DACH1: variants seen among roughly 807,000 people sequenced by gnomAD.
The protein encoded by DACH1 is dachshund homolog 1.
A neutral mutation model predicts 54.2 loss-of-function variants in DACH1; 12 were observed. That is an observed-to-expected ratio of 0.22 (90% confidence interval 0.14 to 0.36). The LOEUF (loss-of-function observed/expected upper bound fraction) is 0.36. Ranked by LOEUF, DACH1 falls within the 10% of genes least tolerant of loss-of-function variation. DACH1 has a pLI of 1.00. For missense variants in DACH1, 805 were observed against 929.8 expected (o/e 0.87, Z 1.75); for synonymous variants, 386 against 366.2 (o/e 1.05, Z -0.62).
At chr13:71,763,140 T>G (rs1885473892) in intron 1 of DACH1, among the ~76,000 whole-genome samples, 1 of 152,248 alleles carries the variant, frequency 6.6e-6, no homozygotes, top group Non-Finnish European at 1.5e-5. Context: ...TGAAGCATTT[T>G]AACATATATT....
At chr13:71,849,094 C>T (rs909011987) in intron 1 of DACH1, among the ~76,000 whole-genome samples, 3 of 151,804 alleles carry the variant, frequency 2.0e-5, no homozygotes, top group African/African-American at 7.3e-5. Context: ...ATATTAATGA[C>T]AATTTCTTTT....
chr13:71,586,490 CA>C (rs1480890312), intron 3 of DACH1, among the ~76,000 whole-genome samples: 10 of 152,212 alleles, frequency 6.6e-5, no homozygotes, highest in African/African-American at 2.2e-4. Flanking sequence ...TACACATCAG[CA>C]GATAGGAAAA....
intron 1 of DACH1, among the ~76,000 whole-genome samples, chr13:71,845,657 A>G (rs1268609583): frequency 6.6e-6 from 1 of 152,226 alleles, no homozygotes; most frequent in Non-Finnish European, 1.5e-5. Flanking sequence ...TGACAGTATT[A>G]ACGAGATGGA....
Position 71,770,306 on chromosome 13 carries a change from C to G in DACH1, c.849-88396G>C, listed in dbSNP as rs553777822. Among the ~76,000 whole-genome samples, 73 of 151,640 alleles carry G rather than the reference C, an allele frequency of 4.8e-4. 1 individual carries two copies. In the South Asian group the frequency reaches 0.015, roughly 31 times the overall value. On this transcript the variant is annotated intron_variant, in intron 1 of 10. Transcript: ENST00000613252. ...ACACTCACCGAACAGTCTAAAGTAT[C>G]AACAATGTTATTTTAAACCAATTCT...
At chr13:71,822,460 C>G (rs1414989106) in intron 1 of DACH1, among the ~76,000 whole-genome samples, 3 of 152,156 alleles carry the variant, frequency 2.0e-5, no homozygotes. Context: ...CTGCTGGGCT[C>G]TCATCATTCT....
chr13:71,516,651 G>T (rs927730773), intron 6 of DACH1, among the ~76,000 whole-genome samples: 1 of 151,690 alleles, frequency 6.6e-6, no homozygotes, highest in African/African-American at 2.4e-5. Context: ...ATTTATTCCA[G>T]CTTACACTGT....
intron 3 of DACH1, among the ~76,000 whole-genome samples, chr13:71,624,251 T>C (rs1876473419): frequency 6.6e-6 from 1 of 151,890 alleles, no homozygotes; most frequent in Admixed American, 6.6e-5. Context: ...ATCAATTGAA[T>C]TACAAACCAT....
chr13:71,621,846 A>AAAT (rs1876261986), intron 3 of DACH1, among the ~76,000 whole-genome samples: 1 of 152,066 alleles, frequency 6.6e-6, no homozygotes, highest in Non-Finnish European at 1.5e-5. Flanking sequence ...AAACTGTTGA[A>AAAT]AATGAACTGC....
chr13:71,476,235 G>T (rs1877509801), intron 8 of DACH1, among the ~76,000 whole-genome samples: 1 of 152,088 alleles, frequency 6.6e-6, no homozygotes, highest in African/African-American at 2.4e-5. Flanking sequence ...TAGTGCAAAC[G>T]CTTATAAGCA....
At chr13:71,467,111 A>G (rs1876650737) in intron 10 of DACH1, among the ~76,000 whole-genome samples, 1 of 151,282 alleles carries the variant, frequency 6.6e-6, no homozygotes, top group South Asian at 2.1e-4. Flanking sequence ...TACTTAAACA[A>G]TGCCTACTAT....
intron 2 of DACH1, among the ~76,000 whole-genome samples, chr13:71,647,152 G>A (rs1230781004): frequency 6.6e-6 from 1 of 152,118 alleles, no homozygotes; most frequent in Non-Finnish European, 1.5e-5. Context: ...AATGATACTT[G>A]GATGACAACT....
intron 6 of DACH1, among the ~76,000 whole-genome samples, chr13:71,515,551 A>G (rs1271810611): frequency 6.6e-6 from 1 of 151,484 alleles, no homozygotes; most frequent in African/African-American, 2.4e-5. Flanking sequence ...GTAGATTTGT[A>G]TTTGAAATCC....
At chr13:71,732,927 T>C (rs919442094) in intron 1 of DACH1, among the ~76,000 whole-genome samples, 2 of 152,142 alleles carry the variant, frequency 1.3e-5, no homozygotes, top group Non-Finnish European at 2.9e-5. Flanking sequence ...CTCTAACATC[T>C]TCTACCATCA....
intron 1 of DACH1, among the ~76,000 whole-genome samples, chr13:71,740,442 A>G (rs910212300): frequency 3.3e-5 from 5 of 152,226 alleles, no homozygotes; most frequent in Non-Finnish European, 5.9e-5. Context: ...GAATTAAAAG[A>G]CATCTTAGAA....
At chr13:71,706,719 A>G (rs1470153587) in intron 1 of DACH1, among the ~76,000 whole-genome samples, 1 of 152,118 alleles carries the variant, frequency 6.6e-6, no homozygotes, top group Non-Finnish European at 1.5e-5. Flanking sequence ...TCAGACCAAA[A>G]TATGCATTCT....
chr13:71,506,887 C>T (rs7326767), intron 6 of DACH1, among the ~76,000 whole-genome samples: 128,592 of 145,690 alleles, frequency 0.88, 58,381 homozygotes, highest in Non-Finnish European at 0.99. Context: ...CTTCCTTACA[C>T]CTTATACAAA....
chr13:71,678,269 T>G (rs1372370531), intron 2 of DACH1, among the ~76,000 whole-genome samples: 1 of 152,206 alleles, frequency 6.6e-6, no homozygotes, highest in Non-Finnish European at 1.5e-5. Flanking sequence ...TCTTGAGAAT[T>G]ATAAAATGTA....
At chr13:71,699,063 C>T (rs1881977734) in intron 1 of DACH1, among the ~76,000 whole-genome samples, 1 of 152,026 alleles carries the variant, frequency 6.6e-6, no homozygotes, top group Non-Finnish European at 1.5e-5. Flanking sequence ...AATTAGAAAT[C>T]CATTCTAAAC....
intron 1 of DACH1, among the ~76,000 whole-genome samples, chr13:71,750,180 G>A (rs531945986): frequency 1.3e-5 from 2 of 152,086 alleles, no homozygotes; most frequent in South Asian, 4.1e-4. Flanking sequence ...CCGATGTTTA[G>A]AGTCTATACT....
Sources: allele counts gnomAD v4.1 joint callset (sites outside exome capture counted in the v4.1 genomes callset), GRCh38; gene constraint gnomAD v4.1.1; transcripts MANE v1.5; gene names NCBI Gene and HGNC (gene_info 2026-07-23, HGNC 2026-07-21).